Variants in PCM1 observed in about 807,000 individuals in gnomAD.
The protein encoded by PCM1 is pericentriolar material 1 protein.
PCM1 carries 157 observed loss-of-function variants against 241.9 expected under a neutral mutation model. That is an observed-to-expected ratio of 0.65 (90% CI 0.57 to 0.74). The LOEUF is 0.74. Ranked by LOEUF, PCM1 falls within the 30% of genes least tolerant of loss-of-function variation. The probability of loss-of-function intolerance (pLI) is 0.00; values close to 1 mark genes in which losing one functional copy is unlikely to be tolerated. For synonymous variants in PCM1, 1,085 were observed against 784.9 expected (o/e 1.38, Z -6.39); for missense variants, 3,478 against 2,360.1 (o/e 1.47, Z -9.81).
chr8:17,980,600 G>A lies in PCM1; in HGVS notation c.3953G>A (p.Ser1318Asn). 6.3e-7 allele frequency: 1 copy of A among 1,591,374 alleles called. No individual in the cohort carries two copies. Among genetic ancestry groups the A allele is most frequent in the Non-Finnish European group, 8.5e-7 (1 of 1,171,550 alleles). ...KSRVKNIRYE[S>N]ASMSSTCEPC... is the part of the protein sequence containing the mutation. Reference sequence around the variant, plus strand: ...ACTTTTTTTACTCAAGGGTATGAAAGTGCCAGTATGTCTAGCACATGTGAA... The same window carrying A: ...ACTTTTTTTACTCAAGGGTATGAAAATGCCAGTATGTCTAGCACATGTGAA... The change falls in exon 24 of 39, where the codon AGT becomes AAT. Residue 1318 changes from serine (S) to asparagine (N), a missense_variant. Transcript: ENST00000325083.
chr8:18,000,278 G>A (rs1277873947), intron 29 of PCM1, among the ~76,000 whole-genome samples: 1 of 152,126 alleles, frequency 6.6e-6, no homozygotes, highest in South Asian at 2.1e-4. Context: ...GGAGGCAAGG[G>A]CTAATTGTAT....
At chr8:18,020,519 T>C (rs918947309) in intron 36 of PCM1, among the ~76,000 whole-genome samples, 2 of 152,164 alleles carry the variant, frequency 1.3e-5, no homozygotes, top group Admixed American at 6.5e-5. Context: ...GTCTGAACAA[T>C]AGGAAGACCA....
intron 7 of PCM1, among the ~76,000 whole-genome samples, chr8:17,949,317 C>A (rs1267930375): frequency 6.6e-6 from 1 of 151,878 alleles, no homozygotes; most frequent in African/African-American, 2.4e-5. Flanking sequence ...CAAAGAGTGT[C>A]CCTTTCACCA....
At chr8:17,964,151 A>C (rs2073842175) in intron 17 of PCM1, among the ~76,000 whole-genome samples, 1 of 152,158 alleles carries the variant, frequency 6.6e-6, no homozygotes, top group African/African-American at 2.4e-5. Flanking sequence ...TTATTTTCTC[A>C]GTCATATTAG....
Position 18,025,593 on chromosome 8 carries a change from C to G in PCM1, c.5984C>G (p.Ser1995Cys), listed in dbSNP as rs780956366. Residue 1995 changes from serine (S) to cysteine (C), a missense_variant, in exon 38 of 39, where the codon TCT becomes TGT. By Grantham distance (112) the Ser-to-Cys change is moderately radical (BLOSUM62 -1). Transcript: ENST00000325083. Reference sequence around the variant, plus strand: ...GAAGAAGAACAGAAAAACCATTTATCTGGTGAAATATGTGAAATGCAGACC... The same window carrying G: ...GAAGAAGAACAGAAAAACCATTTATGTGGTGAAATATGTGAAATGCAGACC... ...MVEEEQKNHL[S>C]GEICEMQTEE... The G allele has an allele frequency of 6.3e-7, 1 of 1,586,406 alleles. No homozygotes were observed. The highest frequency in any genetic ancestry group is 8.6e-7 in the Non-Finnish European group (1 of 1,165,770).
chr8:18,003,349 A>G (rs1211917359), intron 29 of PCM1, among the ~76,000 whole-genome samples: 1 of 152,154 alleles, frequency 6.6e-6, no homozygotes, highest in Non-Finnish European at 1.5e-5. Flanking sequence ...GTTCATTGTC[A>G]CTCATAAAAC....
intron 1 of PCM1, among the ~76,000 whole-genome samples, chr8:17,923,476 G>C (rs954675661): frequency 2.6e-5 from 4 of 152,346 alleles, no homozygotes; most frequent in Non-Finnish European, 5.9e-5. Context: ...CTGTCGGGGA[G>C]GCTGTTCTGC....
chr8:17,978,175 C>T lies in PCM1; in HGVS notation c.3944-2416C>T, dbSNP rs117020452. Among the ~76,000 whole-genome samples, 1,194 of 151,990 alleles carry T rather than the reference C, an allele frequency of 7.9e-3. 19 individuals are homozygous for T. Among genetic ancestry groups the T allele is most frequent in the East Asian group, 0.067 (344 of 5,158 alleles). ...ACACGTGCTATTAAGTTCCAAATTACAGGCCTAGAAAATCAGGGGGAAGAA... is the reference window on the plus strand; with the variant it reads ...ACACGTGCTATTAAGTTCCAAATTATAGGCCTAGAAAATCAGGGGGAAGAA... On this transcript the variant is annotated intron_variant, in intron 23 of 38. Transcript: ENST00000325083.
intron 6 of PCM1, among the ~76,000 whole-genome samples, chr8:17,946,832 A>AGTGTGTGTGTGTGTGT (rs368892136): frequency 9.4e-5 from 13 of 138,380 alleles, no homozygotes; most frequent in African/African-American, 3.2e-4. Context: ...TAGATTCTTC[A>AGTGTGTGTGTGTGTGT]GTGTGTGTGT....
At chr8:18,020,459 A>G (rs560350636) in intron 36 of PCM1, among the ~76,000 whole-genome samples, 144 of 152,256 alleles carry the variant, frequency 9.5e-4, no homozygotes, top group Non-Finnish European at 1.9e-3. Context: ...TCACCTTCTA[A>G]TCTCTATCTC....
intron 23 of PCM1, among the ~76,000 whole-genome samples, chr8:17,978,992 G>T (rs6990207): frequency 0.43 from 65,781 of 151,972 alleles, 15,942 homozygotes; most frequent in Non-Finnish European, 0.56. Context: ...TAAGAAGGCA[G>T]TTATGCCTGT....
intron 20 of PCM1, 38 bp from the exon 21 acceptor site, chr8:17,966,942 A>G (rs943576630): frequency 3.9e-6 from 6 of 1,533,200 alleles, no homozygotes; most frequent in Middle Eastern, 1.7e-4. Flanking sequence ...ATATGGCAAT[A>G]TAACTGATTC....
intron 4 of PCM1, among the ~76,000 whole-genome samples, 193 bp from the exon 5 acceptor site, chr8:17,938,547 A>G (rs903011633): frequency 6.6e-6 from 1 of 152,200 alleles, no homozygotes; most frequent in African/African-American, 2.4e-5. Flanking sequence ...GAAGTCTAGA[A>G]AATGCTAATC....
intron 7 of PCM1, among the ~76,000 whole-genome samples, chr8:17,948,970 G>A (rs991170123): frequency 6.6e-6 from 1 of 152,162 alleles, no homozygotes; most frequent in Admixed American, 6.5e-5. Flanking sequence ...TACAGAGTTT[G>A]TGGCTTGCCT....
chr8:18,010,383 T>G (rs2092305216), intron 31 of PCM1, among the ~76,000 whole-genome samples: 1 of 152,186 alleles, frequency 6.6e-6, no homozygotes, highest in South Asian at 2.1e-4. Flanking sequence ...AGGCTGTCCA[T>G]TTCACACTTT....
chr8:17,936,626 A>G (rs2060503997), intron 3 of PCM1, among the ~76,000 whole-genome samples: 1 of 152,162 alleles, frequency 6.6e-6, no homozygotes, highest in Admixed American at 6.5e-5. Flanking sequence ...AGGTGACACT[A>G]TTTTAGAGAT....
chr8:18,027,455 CAG>C (rs1358429924), intron 38 of PCM1, among the ~76,000 whole-genome samples, 180 bp from the exon 39 acceptor site: 1 of 152,156 alleles, frequency 6.6e-6, no homozygotes, highest in Non-Finnish European at 1.5e-5. Context: ...CTTGTTGAAT[CAG>C]AAACGCCTCA....
intron 23 of PCM1, among the ~76,000 whole-genome samples, chr8:17,977,414 G>C (rs1011447092): frequency 6.6e-6 from 1 of 152,094 alleles, no homozygotes; most frequent in East Asian, 1.9e-4. Flanking sequence ...ATCTAGATGG[G>C]ATATCACAGA....
intron 36 of PCM1, among the ~76,000 whole-genome samples, chr8:18,021,607 G>T (rs983451432): frequency 6.6e-6 from 1 of 152,162 alleles, no homozygotes; most frequent in African/African-American, 2.4e-5. Flanking sequence ...TCCTGAACAG[G>T]TTATCAGATA....
Sources: gnomAD v4.1 joint callset for allele counts (sites outside exome capture counted in the v4.1 genomes callset) on GRCh38, gnomAD v4.1.1 for gene constraint, MANE v1.5 for transcripts, NCBI Gene and HGNC (gene_info 2026-07-23, HGNC 2026-07-21) for gene names.